The following SYT17 variants were observed in gnomAD, a reference collection of about 807,000 sequenced individuals.
SYT17 encodes the protein synaptotagmin-17.
SYT17 carries 22 observed loss-of-function variants against 46.7 expected under a neutral mutation model. The ratio of observed to expected loss-of-function variants is 0.47; its 90% CI spans 0.34 to 0.67. The LOEUF is 0.67. Ranked by LOEUF, SYT17 falls within the 30% of genes least tolerant of loss-of-function variation. The probability of loss-of-function intolerance (pLI) is 0.01; values close to 1 mark genes in which losing one functional copy is unlikely to be tolerated. For missense variants in SYT17, 519 were observed against 612.8 expected, an observed-to-expected ratio of 0.85 and a Z score of 1.62; for synonymous variants, 251 against 248.4, an observed-to-expected ratio of 1.01 and a Z score of -0.10.
At chr16:19,241,527 A>T (rs1265386845) in intron 7 of SYT17, among the ~76,000 whole-genome samples, 1 of 151,962 alleles carries the variant, frequency 6.6e-6, no homozygotes. Flanking sequence ...CCCTGGCCGT[A>T]CCTCCTGGCA....
intron 7 of SYT17, among the ~76,000 whole-genome samples, chr16:19,228,980 G>A (rs1018139651): frequency 2.6e-5 from 4 of 152,290 alleles, no homozygotes; most frequent in Admixed American, 6.5e-5. Flanking sequence ...GTGGGAGGAG[G>A]ATTTGTCTGC....
chr16:19,174,570 CTCT>C (rs1267437356), intron 3 of SYT17, among the ~76,000 whole-genome samples: 1 of 152,182 alleles, frequency 6.6e-6, no homozygotes, highest in Non-Finnish European at 1.5e-5. Flanking sequence ...CTCTCATTTT[CTCT>C]TCTTAGAAGC....
chr16:19,250,404 T>TGTGTGTGTGTGTGTGTGTG (rs1967969018), intron 7 of SYT17, among the ~76,000 whole-genome samples: 4 of 147,876 alleles, frequency 2.7e-5, no homozygotes, highest in South Asian at 2.2e-4. Context: ...TGTGTGTGTG[T>TGTGTGTGTGTGTGTGTGTG]TTGGAGACAG....
chr16:19,193,762 T>A (rs1283314773), intron 5 of SYT17, among the ~76,000 whole-genome samples: 2 of 152,220 alleles, frequency 1.3e-5, no homozygotes, highest in African/African-American at 4.8e-5. Context: ...GAACTCAGTG[T>A]AGCCTACCCC....
chr16:19,224,843 G>T lies in SYT17; in HGVS notation c.1228+5G>T, dbSNP rs749640525. On this transcript the variant is annotated splice_donor_5th_base_variant and intron_variant, in intron 7 of 7. Transcript: ENST00000355377. ...ATGCCAGCCTAGTGTTTACAGGTAG[G>T]TAGCATTCCAAAACCCGATGAACTC... The T allele has an allele frequency of 8.1e-6, 13 of 1,613,872 alleles. No individual in the cohort carries two copies. Among genetic ancestry groups the T allele is most frequent in the Non-Finnish European group, 1.0e-5 (12 of 1,179,846 alleles).
chr16:19,170,151 A>G (rs1328593036), intron 1 of SYT17: 1 of 152,148 alleles, frequency 6.6e-6, no homozygotes, highest in African/African-American at 2.4e-5. Context: ...GGAGGCTCAC[A>G]TGGTCTCTGT....
chr16:19,209,269 A>C (rs557125911), intron 5 of SYT17, among the ~76,000 whole-genome samples: 1 of 152,280 alleles, frequency 6.6e-6, no homozygotes, highest in Admixed American at 6.5e-5. Flanking sequence ...AAAAACATGT[A>C]ATTGCTGAAT....
rs74717065 is a variant in SYT17, at chr16:19,236,434, G to C, written c.1228+11596G>C. Among the ~76,000 whole-genome samples the C allele has an allele frequency of 8.0e-3, 1,218 of 152,260 alleles. 21 individuals are homozygous for C. The highest frequency in any genetic ancestry group is 0.028 in the African/African-American group (1,160 of 41,540). ...GAGTATAGCCAACTGCAGAGTGAGA[G>C]AACAGTTCACCCAAAACTGCCCTCA... On this transcript the variant is annotated intron_variant, in intron 7 of 7. Transcript: ENST00000355377.
chr16:19,184,068 G>C lies in SYT17; in HGVS notation c.872G>C (p.Gly291Ala). The C allele has an allele frequency of 6.2e-7, 1 of 1,614,208 alleles. No homozygotes were observed. Among genetic ancestry groups the C allele is most frequent in the South Asian group, 1.1e-5 (1 of 91,090 alleles). ...FDKFSRHCVI[G>A]KVSVPLCEVD... ...AAGTTCTCCCGCCACTGTGTCATTG[G>C]GAAAGTTTCTGTGCCTTTGTGTGAA... The change falls in exon 5 of 8, where the codon GGG becomes GCG. Residue 291 changes from glycine to alanine, a missense_variant. Physicochemically the swap from Gly to Ala is moderately conservative, Grantham distance 60. Coordinates refer to ENST00000355377, the MANE Select transcript of SYT17 (RefSeq NM_016524.4).
At chr16:19,199,221 G>T (rs1375182860) in intron 5 of SYT17, among the ~76,000 whole-genome samples, 3 of 152,166 alleles carry the variant, frequency 2.0e-5, no homozygotes, top group African/African-American at 7.2e-5. Context: ...ACTGTGCAAA[G>T]TGTTTTCTAT....
chr16:19,244,732 A>G (rs1967407137), intron 7 of SYT17, among the ~76,000 whole-genome samples: 2 of 152,102 alleles, frequency 1.3e-5, no homozygotes, highest in African/African-American at 2.4e-5. Flanking sequence ...CTTCCATCTC[A>G]TGGCTCTGCC....
chr16:19,169,891 A>G (rs117572081), intron 1 of SYT17: 2,642 of 152,268 alleles, frequency 0.017, 36 homozygotes, highest in Non-Finnish European at 0.028. Flanking sequence ...TGGGTGCGCA[A>G]TTTAGTGAGA....
At chr16:19,207,490 A>C (rs1458725939) in intron 5 of SYT17, among the ~76,000 whole-genome samples, 1 of 151,868 alleles carries the variant, frequency 6.6e-6, no homozygotes, top group African/African-American at 2.4e-5. Flanking sequence ...CAAGGGGGGG[A>C]AAGAGATACC....
chr16:19,211,303 C>T (rs1398506104), intron 5 of SYT17: 4 of 656,270 alleles, frequency 6.1e-6, no homozygotes, highest in African/African-American at 5.3e-5. Flanking sequence ...GGGGGTGGAA[C>T]ATCGTGCTGA....
chr16:19,186,275 G>A (rs1477459974), intron 5 of SYT17, among the ~76,000 whole-genome samples: 1 of 151,686 alleles, frequency 6.6e-6, no homozygotes, highest in African/African-American at 2.4e-5. Flanking sequence ...CCAACAGTTC[G>A]AGACCAGCCT....
At chr16:19,172,509 A>G in intron 1 of SYT17, 3 of 1,491,302 alleles carry the variant, frequency 2.0e-6, no homozygotes, top group South Asian at 1.3e-5. Flanking sequence ...TCGAAATGCT[A>G]AAGTTTCCCA....
intron 7 of SYT17, among the ~76,000 whole-genome samples, chr16:19,254,487 T>C (rs1007554656): frequency 6.6e-6 from 1 of 152,104 alleles, no homozygotes; most frequent in Non-Finnish European, 1.5e-5. Flanking sequence ...CGGGGGAAGA[T>C]CTGATTTATT....
intron 7 of SYT17, among the ~76,000 whole-genome samples, chr16:19,240,589 G>A (rs945483847): frequency 2.6e-5 from 4 of 152,208 alleles, no homozygotes; most frequent in Non-Finnish European, 5.9e-5. Context: ...GCTGGCCCAG[G>A]GAAAAGCACC....
At chr16:19,250,408 G>A (rs1209241354) in intron 7 of SYT17, among the ~76,000 whole-genome samples, 1 of 87,892 alleles carries the variant, frequency 1.1e-5, no homozygotes, top group Non-Finnish European at 2.7e-5. Context: ...TGTGTGTTTG[G>A]AGACAGGGTC....
Sources: allele counts gnomAD v4.1 joint callset (sites outside exome capture counted in the v4.1 genomes callset), GRCh38; gene constraint gnomAD v4.1.1; transcripts MANE v1.5; gene names NCBI Gene and HGNC (gene_info 2026-07-23, HGNC 2026-07-21).